The following POSTN variants were observed in gnomAD, a reference collection of about 807,000 sequenced individuals.
The protein encoded by POSTN is periostin.
Under a neutral mutation model 104.5 loss-of-function variants are expected in POSTN, and 71 were observed. The observed-to-expected ratio is 0.68, with a 90% confidence interval of 0.56 to 0.83. The LOEUF (loss-of-function observed/expected upper bound fraction) is 0.83, where lower values mean the gene tolerates loss of function less well. Among genes scored for constraint, POSTN ranks in the 40% least tolerant of loss-of-function variants. The pLI is 0.00. For synonymous variants in POSTN, 355 were observed against 340.7 expected, an observed-to-expected ratio of 1.04 and a Z score of -0.46; for missense variants, 949 against 1,006.8, an observed-to-expected ratio of 0.94 and a Z score of 0.78.
intron 18 of POSTN, 41 bp from the exon 19 acceptor site, chr13:37,570,710 T>C (rs917726739): frequency 8.4e-7 from 1 of 1,193,564 alleles, no homozygotes; most frequent in Non-Finnish European, 1.3e-6. Flanking sequence ...TTTACCCTCA[T>C]ATTGTGACTA....
chr13:37,575,222 C>T (rs991624131), intron 16 of POSTN, among the ~76,000 whole-genome samples: 1 of 150,914 alleles, frequency 6.6e-6, no homozygotes, highest in African/African-American at 2.4e-5. Flanking sequence ...ATGATATGAT[C>T]AGTATTTAAG....
intron 5 of POSTN, among the ~76,000 whole-genome samples, chr13:37,587,509 C>T (rs1950785048): frequency 6.6e-6 from 1 of 152,132 alleles, no homozygotes; most frequent in Non-Finnish European, 1.5e-5. Context: ...AAAGAACACT[C>T]ATTCTTTGAT....
chr13:37,579,007 A>G lies in POSTN; in HGVS notation c.1894+12T>C. 6.2e-7 allele frequency: 1 copy of G among 1,611,032 alleles called. No homozygotes were observed. Among genetic ancestry groups the G allele is most frequent in the Non-Finnish European group, 8.5e-7 (1 of 1,178,762 alleles). ...AAGACTTAGCCTATCAATGAGTTCA[A>G]TAATTACAAACCTGCTGGATAGAGG... On this transcript the variant is annotated intron_variant, in intron 14 of 22. Coordinates refer to ENST00000379747, the MANE Select transcript of POSTN (RefSeq NM_006475.3).
rs751023824 is a variant in POSTN at position 37,587,851 on chromosome 13, C to G, written c.577G>C (p.Gly193Arg). ...TTAGGATAATGGTTAATGAAAAGCC[C>G]CAAATTGTTATACATTGAAGGAATA... ...MIIPSMYNNLGLFINHYPNGV... is the reference protein window; with the variant it reads ...MIIPSMYNNLRLFINHYPNGV... Residue 193 changes from glycine (G) to arginine (R), a missense_variant, in exon 5 of 23, where the codon GGG becomes CGG. Transcript: ENST00000379747. The G allele has an allele frequency of 9.4e-6, 15 of 1,603,310 alleles. No homozygotes were observed. In the African/African-American group the frequency reaches 2.0e-4, roughly 22 times the overall value.
intron 21 of POSTN, chr13:37,568,610 T>C (rs954125306): frequency 2.0e-5 from 3 of 151,958 alleles, no homozygotes; most frequent in Non-Finnish European, 4.4e-5. Flanking sequence ...CAAATGCCAA[T>C]GATACAAATT....
chr13:37,578,525 C>T (rs761740373), intron 15 of POSTN, among the ~76,000 whole-genome samples: 14 of 151,934 alleles, frequency 9.2e-5, no homozygotes, highest in African/African-American at 1.9e-4. Context: ...AGGCTAGGCG[C>T]GGTGGCTCAC....
chr13:37,581,749 C>A (rs1950596275), intron 10 of POSTN, among the ~76,000 whole-genome samples: 1 of 151,930 alleles, frequency 6.6e-6, no homozygotes, highest in Non-Finnish European at 1.5e-5. Flanking sequence ...ACATTAAAAC[C>A]CTTTTTTAGA....
At chr13:37,589,428 A>G (rs1950858377) in intron 4 of POSTN, among the ~76,000 whole-genome samples, 2 of 152,082 alleles carry the variant, frequency 1.3e-5, no homozygotes, top group Non-Finnish European at 2.9e-5. Flanking sequence ...TACATGTGCC[A>G]TGTTGGTGTG....
Position 37,582,455 on chromosome 13 carries a change from T to A in POSTN, c.1303A>T (p.Lys435Ter). 1.9e-6 allele frequency: 3 copies of A among 1,613,728 alleles called. No individual in the cohort carries two copies. Among genetic ancestry groups the A allele is most frequent in the Non-Finnish European group, 2.5e-6 (3 of 1,179,708 alleles). ...AGCTCATTAAGGCCAACTTTTACTT[T>A]CAATATGTGATTCTGCAGAATTAAT... ...LKLILQNHIL[K>*]VKVGLNELYN... The change falls in exon 10 of 23, where the codon AAA (lysine) becomes TAA (stop). Residue 435 changes from lysine to a stop codon, truncating the protein, a stop_gained. Coordinates refer to ENST00000379747, the MANE Select transcript of POSTN (RefSeq NM_006475.3). LOFTEE classifies it high-confidence loss of function.
At chr13:37,590,616 C>T in intron 3 of POSTN, 87 bp from the exon 4 acceptor site, 1 of 1,144,508 alleles carries the variant, frequency 8.7e-7, no homozygotes, top group East Asian at 2.8e-5. Flanking sequence ...CTGTGTTTCC[C>T]AAGACATTTA....
chr13:37,584,607 A>C, intron 8 of POSTN, 109 bp downstream of exon 8: 1 of 899,626 alleles, frequency 1.1e-6, no homozygotes. Flanking sequence ...TTTGCATGCC[A>C]TTCTTTATAC....
intron 8 of POSTN, 124 bp downstream of exon 8, chr13:37,584,592 A>T: frequency 1.3e-6 from 1 of 763,648 alleles, no homozygotes; most frequent in Non-Finnish European, 2.1e-6. Flanking sequence ...TTATTGTGTT[A>T]GTGCTTTGCA....
At chr13:37,580,869 A>G (rs566548694) in intron 10 of POSTN, among the ~76,000 whole-genome samples, 172 bp from the exon 11 acceptor site, 1 of 152,316 alleles carries the variant, frequency 6.6e-6, no homozygotes, top group African/African-American at 2.4e-5. Flanking sequence ...CAAACTCACA[A>G]GACACTTCTT....
Position 37,580,631 on chromosome 13 carries a change from T to G in POSTN, c.1459A>C (p.Ile487Leu), listed in dbSNP as rs1196495940. Residue 487 changes from isoleucine (I) to leucine (L), a missense_variant, in exon 11 of 23, where the codon ATA (isoleucine) becomes CTA (leucine). Physicochemically the swap from Ile to Leu is conservative, Grantham distance 5. Coordinates refer to ENST00000379747, the MANE Select transcript of POSTN (RefSeq NM_006475.3). ...GCTGGCTTGATGATCTCGCGGAATA[T>G]GTGAATCGCACCGTTTCTCCCTTGC... ...SKQGRNGAIHIFREIIKPAEK... is the reference protein window; with the variant it reads ...SKQGRNGAIHLFREIIKPAEK... 2 of 1,614,150 alleles carry G rather than the reference T, an allele frequency of 1.2e-6. No individual in the cohort carries two copies. Among genetic ancestry groups the G allele is most frequent in the Admixed American group, 1.7e-5 (1 of 60,014 alleles).
intron 9 of POSTN, among the ~76,000 whole-genome samples, chr13:37,583,639 G>C (rs183959601): frequency 4.0e-5 from 6 of 151,874 alleles, no homozygotes; most frequent in African/African-American, 1.4e-4. Flanking sequence ...TGGCCAGGCT[G>C]GTCTCAAACT....
chr13:37,582,304 T>G, intron 10 of POSTN, 62 bp downstream of exon 10: 1 of 1,506,066 alleles, frequency 6.6e-7, no homozygotes, highest in East Asian at 2.3e-5. Context: ...GAAATATTCA[T>G]TGAAACAGCA....
In POSTN at chr13:37,598,723, T is replaced by C; in HGVS notation, c.4A>G (p.Ile2Val). 6.2e-7 allele frequency: 1 copy of C among 1,612,764 alleles called. No individual in the cohort carries two copies. The highest frequency in any genetic ancestry group is 1.1e-5 in the South Asian group (1 of 91,002). ...AGAGAAAACATGGGTAAAAAGGGAA[T>C]CATCTTGAGTCTCTCCGTTGCAGTT... is the stretch of plus-strand genomic sequence containing the variant. M[I>V]PFLPMFSLLL... The change falls in exon 1 of 23, where the codon ATT becomes GTT. Residue 2 changes from isoleucine to valine, a missense_variant. By Grantham distance (29) the Ile-to-Val change is conservative. Coordinates refer to ENST00000379747, the MANE Select transcript of POSTN (RefSeq NM_006475.3).
intron 22 of POSTN, among the ~76,000 whole-genome samples, chr13:37,564,183 T>TATACAAAACATTAC (rs1234792919): frequency 0.03 from 956 of 32,166 alleles, 2 homozygotes; most frequent in Non-Finnish European, 0.044. Context: ...AAACATTACA[T>TATACAAAACATTAC]ATATATATAT....
At position 37,579,326 on chromosome 13, in the gene POSTN, T is replaced by C; in HGVS notation, c.1694A>G (p.Tyr565Cys). Reference protein sequence around the residue: ...DKNALQNIILYHLTPGVFIGK... With the variant: ...DKNALQNIILCHLTPGVFIGK... ...AATGAAAACTCCTGGTGTCAGGTGATAAAGAATGATGTTTTGAAGAGCATT... is the reference window on the plus strand; with the variant it reads ...AATGAAAACTCCTGGTGTCAGGTGACAAAGAATGATGTTTTGAAGAGCATT... Residue 565 changes from tyrosine to cysteine, a missense_variant, in exon 13 of 23, where the codon TAT becomes TGT. Tyr to Cys is a radical substitution (Grantham distance 194, BLOSUM62 -2). Coordinates refer to ENST00000379747, the MANE Select transcript of POSTN (RefSeq NM_006475.3). The C allele has an allele frequency of 1.3e-6, 2 of 1,593,028 alleles. No individual in the cohort carries two copies. The highest frequency in any genetic ancestry group is 1.3e-5 in the African/African-American group (1 of 74,534).
Sources: gnomAD v4.1 joint callset for allele counts (sites outside exome capture counted in the v4.1 genomes callset) on GRCh38, gnomAD v4.1.1 for gene constraint, MANE v1.5 for transcripts, NCBI Gene and HGNC (gene_info 2026-07-23, HGNC 2026-07-21) for gene names.